Variants in TAPBPL observed in about 807,000 individuals in gnomAD.
The protein encoded by TAPBPL is tapasin-related protein.
In TAPBPL, 32 loss-of-function variants were observed where a neutral mutation model predicts 44.8. The ratio of observed to expected loss-of-function variants is 0.71; its 90% confidence interval spans 0.54 to 0.96. The LOEUF (loss-of-function observed/expected upper bound fraction) is 0.96, where lower values mean the gene tolerates loss of function less well. Among genes scored for constraint, TAPBPL ranks in the 40% least tolerant of loss-of-function variants. TAPBPL has a pLI of 0.00. For missense variants in TAPBPL, 520 were observed against 586.6 expected (o/e 0.89, Z 1.17); for synonymous variants, 230 against 240.7 (o/e 0.96, Z 0.41).
chr12:6,452,946 C>T, intron 1 of TAPBPL, 121 bp from the exon 2 acceptor site: 2 of 1,047,734 alleles, frequency 1.9e-6, no homozygotes, highest in Non-Finnish European at 2.7e-6. Flanking sequence ...ACAGAAACAG[C>T]TAGGATCTTG....
downstream of TAPBPL, chr12:6,470,677 T>C (rs993769491): frequency 4.9e-6 from 5 of 1,028,918 alleles, no homozygotes; most frequent in Non-Finnish European, 7.3e-6. Flanking sequence ...TGGAACTTAC[T>C]GCAGCTGCCG....
At chr12:6,461,599 G>A (rs546784224) in intron 6 of TAPBPL, among the ~76,000 whole-genome samples, 11 of 152,110 alleles carry the variant, frequency 7.2e-5, no homozygotes, top group Admixed American at 1.3e-4. Flanking sequence ...CAAGCCTAGC[G>A]GCTCCAACTT....
chr12:6,457,786 A>G (rs910484344), intron 4 of TAPBPL, 42 bp downstream of exon 4: 2 of 1,499,482 alleles, frequency 1.3e-6, no homozygotes, highest in African/African-American at 1.4e-5. Flanking sequence ...GGGATATAAC[A>G]TGTCTACTGG....
In TAPBPL at chr12:6,458,751, AGAG is replaced by A; in HGVS notation, c.1015_1017del (p.Glu339del). 6.2e-7 allele frequency: 1 copy of A among 1,614,102 alleles called. No individual in the cohort carries two copies. Among genetic ancestry groups the A allele is most frequent in the Non-Finnish European group, 8.5e-7 (1 of 1,180,026 alleles). On this transcript the variant is annotated inframe_deletion, in exon 5 of 7. Transcript: ENST00000266556. ...TGGATGTGGTGGTGACGTGGACCCG[AGAG>A]GAGCTGGGTGGATCCCCAGCCCAAG...
Position 6,460,886 on chromosome 12 carries a change from C to T in TAPBPL, c.1239C>T (p.Ala413=). 1 of 1,614,152 alleles carries T rather than the reference C, an allele frequency of 6.2e-7. No individual in the cohort carries two copies. The highest frequency in any genetic ancestry group is 8.5e-7 in the Non-Finnish European group (1 of 1,180,010). Residue 413 remains alanine (A), a synonymous_variant, in exon 6 of 7, where the codon GCC becomes GCT. Coordinates refer to ENST00000266556, the MANE Select transcript of TAPBPL (RefSeq NM_018009.5). ...GAACAGCCTTGGGAGTCATCTTTGC[C>T]AGCAGTCTCTTCCTTCTTGCACTGA... ...ERRTALGVIF[A]SSLFLLALMF...
In TAPBPL at chr12:6,458,867, C is replaced by T; in HGVS notation, c.1127C>T (p.Ala376Val). 1 of 1,614,194 alleles carries T rather than the reference C, an allele frequency of 6.2e-7. No homozygotes were observed. The highest frequency in any genetic ancestry group is 1.1e-5 in the South Asian group (1 of 91,088). ...TCTCTCACCGCAGAACCTGGCTCTG[C>T]AGGTGCCACTTACACCTGCCAGGTC... ...SSSLTAEPGSAGATYTCQVTH... is the reference protein window; with the variant it reads ...SSSLTAEPGSVGATYTCQVTH... The change falls in exon 5 of 7, where the codon GCA (alanine) becomes GTA (valine). Residue 376 changes from alanine (A) to valine (V), a missense_variant. Ala to Val is a moderately conservative substitution (Grantham distance 64). Coordinates refer to ENST00000266556, the MANE Select transcript of TAPBPL (RefSeq NM_018009.5).
intron 1 of TAPBPL, 89 bp from the exon 2 acceptor site, chr12:6,452,978 A>G: frequency 7.6e-7 from 1 of 1,321,274 alleles, no homozygotes; most frequent in Non-Finnish European, 1.0e-6. Context: ...TTACCCTTTG[A>G]TGACTCCACA....
At chr12:6,470,656 T>G, downstream of TAPBPL, 9 of 1,290,216 alleles carry the variant, frequency 7.0e-6, no homozygotes, top group Non-Finnish European at 9.9e-6. Context: ...TACCCCGCGG[T>G]CTAGCTGCGC....
chr12:6,470,574 T>TGCGGCGAGACAC (rs1945748246), downstream of TAPBPL: 1 of 1,613,608 alleles, frequency 6.2e-7, no homozygotes, highest in African/African-American at 1.3e-5. Context: ...CTCCGGAGGC[T>TGCGGCGAGACAC]GCGGCGAGAC....
chr12:6,464,904 A>G, downstream of TAPBPL: 1 of 1,613,918 alleles, frequency 6.2e-7, no homozygotes, highest in Non-Finnish European at 8.5e-7. Flanking sequence ...AATAACTACC[A>G]CGATGATGGC....
chr12:6,461,161 TAGAA>T (rs768885883), intron 6 of TAPBPL: 19 of 1,370,936 alleles, frequency 1.4e-5, no homozygotes, highest in Non-Finnish European at 1.7e-5. Flanking sequence ...TGCCTCAGAG[TAGAA>T]AGAAAGAGTA....
At chr12:6,461,122 A>G (rs530776152) in intron 6 of TAPBPL, 184 bp downstream of exon 6, 1 of 1,418,706 alleles carries the variant, frequency 7.0e-7, no homozygotes, top group Non-Finnish European at 9.2e-7. Flanking sequence ...GTTTTCTCCT[A>G]GCTACCTCAC....
Position 6,453,570 on chromosome 12 carries a change from C to T in TAPBPL, c.419C>T (p.Ala140Val). 1 of 1,614,208 alleles carries T rather than the reference C, an allele frequency of 6.2e-7. No homozygotes were observed. The highest frequency in any genetic ancestry group is 8.5e-7 in the Non-Finnish European group (1 of 1,180,038). The change falls in exon 3 of 7, where the codon GCT becomes GTT. Residue 140 changes from alanine to valine, a missense_variant. Physicochemically the swap from Ala to Val is moderately conservative, Grantham distance 64 (BLOSUM62 0). Coordinates refer to ENST00000266556, the MANE Select transcript of TAPBPL (RefSeq NM_018009.5). This position sits in a 1 kb window ranked among gnomAD's most constrained non-coding sequence, Gnocchi z 4.8. ...ACAGAGACCACTGTTAAGACAGCAG[C>T]TTGGTTCATGGCCAACATGCAGGTC... ...QMTETTVKTA[A>V]WFMANMQVSG...
chr12:6,458,961 C>G lies in TAPBPL; in HGVS notation c.1207+14C>G, dbSNP rs1446610086. On this transcript the variant is annotated intron_variant, in intron 5 of 6. Transcript: ENST00000266556. ...TTGTCCCACCAGGTACTGGGAGTGT[C>G]CTCCTTTTCCCCACCTCCACACTAG... The G allele has an allele frequency of 1.9e-5, 30 of 1,608,794 alleles. No individual in the cohort carries two copies. The highest frequency in any genetic ancestry group is 2.5e-5 in the Non-Finnish European group (30 of 1,176,550).
Position 6,460,879 on chromosome 12 carries a change from T to A in TAPBPL, c.1232T>A (p.Ile411Asn). 1 of 1,614,104 alleles carries A rather than the reference T, an allele frequency of 6.2e-7. No homozygotes were observed. The highest frequency in any genetic ancestry group is 1.1e-5 in the South Asian group (1 of 91,086). The change falls in exon 6 of 7, where the codon ATC becomes AAC. Residue 411 changes from isoleucine (I) to asparagine (N), a missense_variant. Physicochemically the swap from Ile to Asn is moderately radical, Grantham distance 149. Coordinates refer to ENST00000266556, the MANE Select transcript of TAPBPL (RefSeq NM_018009.5). ...GAGCGGAGAACAGCCTTGGGAGTCA[T>A]CTTTGCCAGCAGTCTCTTCCTTCTT... Reference protein sequence around the residue: ...PPERRTALGVIFASSLFLLAL... With the variant: ...PPERRTALGVNFASSLFLLAL...
At chr12:6,461,330 A>G (rs1949854567) in intron 6 of TAPBPL, 2 of 1,038,228 alleles carry the variant, frequency 1.9e-6, no homozygotes, top group Non-Finnish European at 2.3e-6. Context: ...GAGAACAGGA[A>G]GAAGTGAGGG....
downstream of TAPBPL, chr12:6,463,667 G>A: frequency 9.2e-7 from 1 of 1,086,634 alleles, no homozygotes; most frequent in Non-Finnish European, 1.1e-6. The surrounding 1 kb of genome is among the most constrained non-coding windows in gnomAD (Gnocchi z 4.0). Flanking sequence ...TATTTGGCTA[G>A]ATAAAACTAC....
chr12:6,457,941 A>G (rs577840915), intron 4 of TAPBPL, among the ~76,000 whole-genome samples, 197 bp downstream of exon 4: 14 of 152,290 alleles, frequency 9.2e-5, no homozygotes, highest in African/African-American at 3.1e-4. Context: ...AATTCCACCA[A>G]GAGATTTCCA....
At chr12:6,460,360 G>A (rs1330408442) in intron 5 of TAPBPL, among the ~76,000 whole-genome samples, 1 of 152,136 alleles carries the variant, frequency 6.6e-6, no homozygotes, top group Non-Finnish European at 1.5e-5. Flanking sequence ...CTGCCTCCCA[G>A]GCTCAAGTGA....
Sources: gnomAD v4.1 joint callset for allele counts (sites outside exome capture counted in the v4.1 genomes callset) on GRCh38, gnomAD v4.1.1 for gene constraint, Gnocchi (gnomAD v3.1) non-coding constraint, MANE v1.5 for transcripts, NCBI Gene and HGNC (gene_info 2026-07-23, HGNC 2026-07-21) for gene names.